Variants in ITGA1 observed in about 807,000 individuals in gnomAD.
ITGA1 encodes the protein integrin subunit alpha 1.
In ITGA1, 85 loss-of-function variants were observed where a neutral mutation model predicts 145.9. The observed-to-expected ratio is 0.58, with a 90% CI of 0.49 to 0.70. The LOEUF (loss-of-function observed/expected upper bound fraction) is 0.70, where lower values mean the gene tolerates loss of function less well. Ranked by LOEUF, ITGA1 falls within the 30% of genes least tolerant of loss-of-function variation. The pLI is 0.00. For synonymous variants in ITGA1, 520 were observed against 495.3 expected, an observed-to-expected ratio of 1.05 and a Z score of -0.66; for missense variants, 1,351 against 1,418.7, an observed-to-expected ratio of 0.95 and a Z score of 0.77.
At chr5:52,919,217 A>T (rs1009888527) in intron 16 of ITGA1, among the ~76,000 whole-genome samples, 3 of 152,160 alleles carry the variant, frequency 2.0e-5, no homozygotes, top group African/African-American at 4.8e-5. Flanking sequence ...GAGTTTAGAA[A>T]TTGAGCTACA....
chr5:52,843,111 G>A (rs1396541731), intron 1 of ITGA1, among the ~76,000 whole-genome samples: 2 of 152,064 alleles, frequency 1.3e-5, no homozygotes, highest in African/African-American at 4.8e-5. Flanking sequence ...TAATATAGAT[G>A]AAAAGATTAG....
At chr5:52,940,464 A>T (rs1177092927) in intron 26 of ITGA1, among the ~76,000 whole-genome samples, 1 of 148,486 alleles carries the variant, frequency 6.7e-6, no homozygotes, top group South Asian at 2.1e-4. Context: ...GCTGGAGTGC[A>T]GTGGCACGAT....
intron 20 of ITGA1, among the ~76,000 whole-genome samples, chr5:52,929,335 C>T (rs772483169): frequency 2.6e-5 from 4 of 152,144 alleles, no homozygotes; most frequent in Non-Finnish European, 5.9e-5. Flanking sequence ...CCAAAGGCCC[C>T]ATCTCCTAAT....
intron 1 of ITGA1, among the ~76,000 whole-genome samples, chr5:52,841,024 G>A (rs189101441): frequency 1.1e-3 from 171 of 152,270 alleles, no homozygotes; most frequent in African/African-American, 3.9e-3. Flanking sequence ...AAAACAATTC[G>A]CTTGCTATGG....
chr5:52,850,452 G>A (rs1193411956), intron 2 of ITGA1, among the ~76,000 whole-genome samples: 1 of 151,984 alleles, frequency 6.6e-6, no homozygotes, highest in Non-Finnish European at 1.5e-5. Context: ...CTAAACTTTA[G>A]TTTAATAACT....
At position 52,911,358 on chromosome 5, in the gene ITGA1, A is replaced by C. The variant is rs376701426; in HGVS notation, c.1857+939A>C. On this transcript the variant is annotated intron_variant, in intron 14 of 28. Coordinates refer to ENST00000282588, the MANE Select transcript of ITGA1 (RefSeq NM_181501.2). ...TGTATATATAGTATATAGTGTATATATAGTGTATATAGTGAGTATATAGTA... is the reference window on the plus strand; with the variant it reads ...TGTATATATAGTATATAGTGTATATCTAGTGTATATAGTGAGTATATAGTA... Among the ~76,000 whole-genome samples, 219 of 134,994 alleles carry C rather than the reference A, an allele frequency of 1.6e-3. 1 individual carries two copies. The South Asian group carries it at 0.035, about 21-fold the overall frequency. 88.6% of individuals were successfully genotyped at this position (134,994 alleles called of 152,430 possible). A position where few individuals can be genotyped will look rare whatever the true frequency, so the allele number is the denominator to read the frequency against.
At chr5:52,884,314 G>A (rs1750012569) in intron 7 of ITGA1, among the ~76,000 whole-genome samples, 1 of 152,068 alleles carries the variant, frequency 6.6e-6, no homozygotes, top group African/African-American at 2.4e-5. Flanking sequence ...GGGCGTGGTG[G>A]TGGGCGCCTG....
intron 5 of ITGA1, among the ~76,000 whole-genome samples, 168 bp downstream of exon 5, chr5:52,865,250 A>T (rs1044516335): frequency 6.6e-6 from 1 of 152,222 alleles, no homozygotes; most frequent in Admixed American, 6.5e-5. Context: ...TCTGACTGCT[A>T]TTTTTGGAAT....
intron 1 of ITGA1, among the ~76,000 whole-genome samples, chr5:52,833,468 A>T (rs1032573503): frequency 6.6e-6 from 1 of 152,194 alleles, no homozygotes; most frequent in Non-Finnish European, 1.5e-5. Context: ...AAACATTATG[A>T]CAATGTATTT....
intron 11 of ITGA1, 64 bp from the exon 12 acceptor site, chr5:52,905,699 C>G (rs749883104): frequency 5.1e-6 from 7 of 1,362,664 alleles, no homozygotes; most frequent in Non-Finnish European, 6.1e-6. Context: ...TAAAAAGAGT[C>G]TTAATTTATT....
intron 1 of ITGA1, chr5:52,802,893 T>C (rs921790112): frequency 6.6e-6 from 1 of 152,212 alleles, no homozygotes; most frequent in Non-Finnish European, 1.5e-5. Context: ...TACTCTTTAC[T>C]ATAATTATGG....
At chr5:52,891,818 T>C (rs1474305741) in intron 8 of ITGA1, among the ~76,000 whole-genome samples, 1 of 152,018 alleles carries the variant, frequency 6.6e-6, no homozygotes, top group African/African-American at 2.4e-5. Flanking sequence ...ATCTACATAT[T>C]GGGGATTTTT....
chr5:52,894,570 T>C (rs960350802), intron 9 of ITGA1, among the ~76,000 whole-genome samples: 1 of 152,132 alleles, frequency 6.6e-6, no homozygotes, highest in African/African-American at 2.4e-5. Flanking sequence ...TGGCAAAGCT[T>C]CTTTCTTCAC....
At chr5:52,814,041 G>T (rs879943987) in intron 1 of ITGA1, among the ~76,000 whole-genome samples, 2 of 152,164 alleles carry the variant, frequency 1.3e-5, no homozygotes, top group Non-Finnish European at 2.9e-5. Flanking sequence ...GCCTGGACTG[G>T]CAGGACTCCA....
intron 1 of ITGA1, among the ~76,000 whole-genome samples, chr5:52,796,495 A>G (rs1314285688): frequency 6.6e-6 from 1 of 152,000 alleles, no homozygotes; most frequent in East Asian, 1.9e-4. Context: ...AAGCCCTGGT[A>G]TTTTTCTCAA....
rs887743007 is a variant in ITGA1 at position 52,955,382 on chromosome 5, T to C, written c.*2931T>C. 5 of 132,420 alleles carry C rather than the reference T, an allele frequency of 3.8e-5. No homozygotes were observed. The highest frequency in any genetic ancestry group is 8.0e-5 in the Non-Finnish European group (5 of 62,490). 8.2% of individuals were successfully genotyped at this position (132,420 alleles called of 1,614,324 possible). On this transcript the variant is annotated 3_prime_UTR_variant, in exon 29 of 29. Transcript: ENST00000282588. ...ATAGATAGATAGATAGATAGATAGA[T>C]AGATAGATAGATATTGATAGAGAAC...
chr5:52,852,270 G>A (rs961879329), intron 2 of ITGA1, among the ~76,000 whole-genome samples: 1 of 152,128 alleles, frequency 6.6e-6, no homozygotes, highest in African/African-American at 2.4e-5. Context: ...AGGACGTTGA[G>A]AAGCCATCAT....
At chr5:52,937,651 C>A (rs1168112669) in intron 24 of ITGA1, 137 bp downstream of exon 24, 1 of 640,088 alleles carries the variant, frequency 1.6e-6, no homozygotes, top group Non-Finnish European at 2.8e-6. Context: ...TAATTAAAAG[C>A]AAATAATAAT....
intron 6 of ITGA1, among the ~76,000 whole-genome samples, chr5:52,875,539 A>G (rs946734949): frequency 6.6e-6 from 1 of 152,206 alleles, no homozygotes; most frequent in African/African-American, 2.4e-5. Flanking sequence ...ACATCTCCCC[A>G]GGAGGTAAAT....
Sources: gnomAD v4.1 joint callset for allele counts (sites outside exome capture counted in the v4.1 genomes callset) on GRCh38, gnomAD v4.1.1 for gene constraint, MANE v1.5 for transcripts, NCBI Gene and HGNC (gene_info 2026-07-23, HGNC 2026-07-21) for gene names.